The following ZGRF1 variants were observed in gnomAD, a reference collection of about 807,000 sequenced individuals.
The protein encoded by ZGRF1 is 5'-3' DNA helicase ZGRF1.
A neutral mutation model predicts 203.5 loss-of-function variants in ZGRF1; 196 were observed. The ratio of observed to expected loss-of-function variants is 0.96; its 90% confidence interval spans 0.86 to 1.08. ZGRF1 has a LOEUF of 1.08. Among genes scored for constraint, ZGRF1 ranks in the 50% least tolerant of loss-of-function variants. ZGRF1 has a pLI of 0.00. For synonymous variants in ZGRF1, 809 were observed against 841.3 expected, an observed-to-expected ratio of 0.96 and a Z score of 0.66; for missense variants, 2,326 against 2,416.3, an observed-to-expected ratio of 0.96 and a Z score of 0.78.
At chr4:112,628,775 C>A (rs1223835072) in intron 3 of ZGRF1, 6 of 440,866 alleles carry the variant, frequency 1.4e-5, no homozygotes, top group African/African-American at 6.1e-5. Flanking sequence ...AATTTGGAAC[C>A]AGAAGACAAC....
At chr4:112,598,027 T>C (rs1749326718) in intron 10 of ZGRF1, among the ~76,000 whole-genome samples, 1 of 152,054 alleles carries the variant, frequency 6.6e-6, no homozygotes, top group Non-Finnish European at 1.5e-5. Context: ...CCAAATTTTA[T>C]CTCCCCTTGC....
At chr4:112,544,183 T>C (rs1578651574) in intron 24 of ZGRF1, among the ~76,000 whole-genome samples, 1 of 152,302 alleles carries the variant, frequency 6.6e-6, no homozygotes, top group East Asian at 1.9e-4. Flanking sequence ...CAACTCAAAA[T>C]TCAATGCAAC....
intron 24 of ZGRF1, among the ~76,000 whole-genome samples, chr4:112,545,678 A>G (rs548932323): frequency 2.6e-4 from 39 of 152,334 alleles, no homozygotes; most frequent in African/African-American, 8.7e-4. Flanking sequence ...CTGTATATCA[A>G]TGTTCACAGG....
chr4:112,610,130 T>C (rs1751366238), intron 7 of ZGRF1, among the ~76,000 whole-genome samples: 1 of 150,840 alleles, frequency 6.6e-6, no homozygotes, highest in Admixed American at 6.6e-5. Context: ...AGCAATAACC[T>C]GTCTCAGAAA....
intron 23 of ZGRF1, among the ~76,000 whole-genome samples, chr4:112,547,972 C>T (rs1298966103): frequency 6.6e-6 from 1 of 151,882 alleles, no homozygotes; most frequent in Non-Finnish European, 1.5e-5. Context: ...CGGGGTTTTA[C>T]TCTGTGTCAT....
intron 23 of ZGRF1, 65 bp downstream of exon 23, chr4:112,548,188 G>T: frequency 1.4e-6 from 2 of 1,455,818 alleles, no homozygotes; most frequent in Non-Finnish European, 1.9e-6. Context: ...CAATCCACCT[G>T]CCTCAGCCTC....
intron 4 of ZGRF1, among the ~76,000 whole-genome samples, chr4:112,620,910 C>T (rs13106473): frequency 0.6 from 91,347 of 151,268 alleles, 28,198 homozygotes; most frequent in East Asian, 0.91. Context: ...CATGTTCCTA[C>T]AGTCTCAGCT....
intron 3 of ZGRF1, among the ~76,000 whole-genome samples, chr4:112,628,434 C>T (rs982933807): frequency 2.0e-5 from 3 of 152,210 alleles, no homozygotes; most frequent in African/African-American, 7.2e-5. Context: ...CTGCATCCAC[C>T]TATTTGACTT....
chr4:112,599,880 G>T (rs1749661901), intron 10 of ZGRF1, among the ~76,000 whole-genome samples: 1 of 151,946 alleles, frequency 6.6e-6, no homozygotes, highest in Non-Finnish European at 1.5e-5. Context: ...AATGGTGCTG[G>T]GTCAACTGAA....
intron 16 of ZGRF1, among the ~76,000 whole-genome samples, chr4:112,564,734 G>C (rs975864086): frequency 1.1e-4 from 16 of 151,800 alleles, no homozygotes; most frequent in African/African-American, 3.9e-4. Context: ...TTTAAAAAAT[G>C]ATCACAAATG....
In ZGRF1 at chr4:112,606,043, G is replaced by C; in HGVS notation, c.2767C>G (p.Pro923Ala). Residue 923 changes from proline (P) to alanine (A), a missense_variant, in exon 9 of 28, where the codon CCT becomes GCT. Physicochemically the swap from Pro to Ala is conservative, Grantham distance 27. Coordinates refer to ENST00000505019, the MANE Select transcript of ZGRF1 (RefSeq NM_018392.5). ...CAGGTTTTTCTCTCTATTTGTTTAG[G>C]AATAACAGCTTGAAAAGCAGTCTCT... The part of the protein sequence containing the change: ...KEETAFQAVI[P>A]KQIERKTCDP... 1.2e-6 allele frequency: 2 copies of C among 1,605,170 alleles called. No homozygotes were observed. Among genetic ancestry groups the C allele is most frequent in the Non-Finnish European group, 1.7e-6 (2 of 1,176,184 alleles).
chr4:112,539,445 A>G lies in ZGRF1; in HGVS notation c.*102T>C. 1 of 620,370 alleles carries G rather than the reference A, an allele frequency of 1.6e-6. No individual in the cohort carries two copies. The highest frequency in any genetic ancestry group is 3.1e-5 in the East Asian group (1 of 32,376). 38.4% of individuals were successfully genotyped at this position (620,370 alleles called of 1,614,324 possible). On this transcript the variant is annotated 3_prime_UTR_variant, in exon 28 of 28. Coordinates refer to ENST00000505019, the MANE Select transcript of ZGRF1 (RefSeq NM_018392.5). ...GTGTTTACTATGTTATTTAAATATCATATTTTTAATAAGAGGGTTTAGAGT... is the reference window on the plus strand; with the variant it reads ...GTGTTTACTATGTTATTTAAATATCGTATTTTTAATAAGAGGGTTTAGAGT...
chr4:112,598,541 A>T (rs896126419), intron 10 of ZGRF1, among the ~76,000 whole-genome samples: 1 of 152,016 alleles, frequency 6.6e-6, no homozygotes, highest in Non-Finnish European at 1.5e-5. Flanking sequence ...TTCAGAAACA[A>T]CTAATTTTAC....
At chr4:112,548,029 C>G (rs536402364) in intron 23 of ZGRF1, among the ~76,000 whole-genome samples, 2 of 152,184 alleles carry the variant, frequency 1.3e-5, no homozygotes, top group Non-Finnish European at 2.9e-5. Flanking sequence ...GCAGCCTTGA[C>G]CTCCTGGGCT....
intron 9 of ZGRF1, among the ~76,000 whole-genome samples, chr4:112,604,693 C>T (rs1164425001): frequency 6.6e-6 from 1 of 152,140 alleles, no homozygotes; most frequent in Non-Finnish European, 1.5e-5. Flanking sequence ...GCTCTGAGAG[C>T]AAAAGCCTAA....
intron 19 of ZGRF1, among the ~76,000 whole-genome samples, 196 bp downstream of exon 19, chr4:112,560,537 A>T (rs1241734806): frequency 6.6e-6 from 1 of 152,236 alleles, no homozygotes; most frequent in African/African-American, 2.4e-5. Context: ...TTCATCAGAT[A>T]TGCTAATAAG....
chr4:112,548,068 A>G (rs1739154347), intron 23 of ZGRF1, among the ~76,000 whole-genome samples, 185 bp downstream of exon 23: 1 of 151,932 alleles, frequency 6.6e-6, no homozygotes, highest in African/African-American at 2.4e-5. Flanking sequence ...CAGCCTCCCA[A>G]GTTGCTGGGA....
At chr4:112,580,004 G>C (rs1347316125) in intron 16 of ZGRF1, among the ~76,000 whole-genome samples, 1 of 122,730 alleles carries the variant, frequency 8.1e-6, no homozygotes, top group Admixed American at 9.2e-5. Flanking sequence ...GAGGCATCAC[G>C]CTACCTGACT....
At chr4:112,540,991 A>G (rs780085799) in intron 25 of ZGRF1, 36 bp from the exon 26 acceptor site, 4 of 1,554,132 alleles carry the variant, frequency 2.6e-6, no homozygotes, top group Non-Finnish European at 3.5e-6. Context: ...TATATTTCCC[A>G]GAAAGGCTAT....
Sources: gnomAD v4.1 joint callset for allele counts (sites outside exome capture counted in the v4.1 genomes callset) on GRCh38, gnomAD v4.1.1 for gene constraint, MANE v1.5 for transcripts, NCBI Gene and HGNC (gene_info 2026-07-23, HGNC 2026-07-21) for gene names.